The following AKR1C4 variants were observed in gnomAD, a reference collection of about 807,000 sequenced individuals.
AKR1C4 encodes aldo-keto reductase family 1 member C4, also known as 3-alpha-HSD1.
In AKR1C4, 44 loss-of-function variants were observed where a neutral mutation model predicts 41.0. That is an observed-to-expected ratio of 1.07 (90% CI 0.84 to 1.38). The LOEUF (loss-of-function observed/expected upper bound fraction) is 1.38. AKR1C4 is among the 40% of genes most tolerant of loss of function. The probability of loss-of-function intolerance (pLI) is 0.00; values close to 1 mark genes in which losing one functional copy is unlikely to be tolerated. For synonymous variants in AKR1C4, 165 were observed against 137.7 expected (o/e 1.20, Z -1.39); for missense variants, 438 against 387.9 (o/e 1.13, Z -1.09).
Position 5,218,877 on chromosome 10 carries a change from C to A in AKR1C4, c.*117C>A. ...CTCTGGTTAAATCCCTCCCCTCCTG[C>A]TTGGCAACTTCAGCTAGCTAGATAT... On this transcript the variant is annotated 3_prime_UTR_variant, in exon 9 of 9. Coordinates refer to ENST00000263126, the MANE Select transcript of AKR1C4 (RefSeq NM_001818.5). 1.1e-6 allele frequency: 1 copy of A among 882,284 alleles called. No individual in the cohort carries two copies. The highest frequency in any genetic ancestry group is 1.8e-6 in the Non-Finnish European group (1 of 565,024). 54.7% of individuals were successfully genotyped at this position (882,284 alleles called of 1,614,324 possible).
At chr10:5,206,753 A>G (rs1832494478) in intron 5 of AKR1C4, among the ~76,000 whole-genome samples, 2 of 123,310 alleles carry the variant, frequency 1.6e-5, no homozygotes, top group Non-Finnish European at 3.4e-5. Flanking sequence ...AGTAGAATGT[A>G]TATAATTATA....
rs1441545226 is a variant in AKR1C4 at position 5,211,755 on chromosome 10, A to G, written c.571-861A>G. Among the ~76,000 whole-genome samples, 3 of 152,150 alleles carry G rather than the reference A, an allele frequency of 2.0e-5. No homozygotes were observed. The East Asian group carries it at 5.8e-4, about 29-fold the overall frequency. The stretch of plus-strand genomic sequence containing the variant: ...CACTCTACCATATTAGTCCATTTTC[A>G]TGCTGCTGATAAAGACATACTCAAG... On this transcript the variant is annotated intron_variant, in intron 5 of 8. Transcript: ENST00000263126.
At chr10:5,206,182 C>A (rs1339326840) in intron 4 of AKR1C4, 93 bp from the exon 5 acceptor site, 21 of 1,579,448 alleles carry the variant, frequency 1.3e-5, no homozygotes, top group Non-Finnish European at 1.6e-5. Context: ...ATTGTCATAT[C>A]TTAACAGTTG....
In AKR1C4 at chr10:5,200,373, A is replaced by G. The variant is rs200258938; in HGVS notation, c.252+25A>G. On this transcript the variant is annotated intron_variant, in intron 2 of 8. Transcript: ENST00000263126. ...GGTACTGTGCCTATGATGAGCATGT[A>G]TGCACATGTGTTTAATGGGATTGTG... 326 of 1,599,178 alleles carry G rather than the reference A, an allele frequency of 2.0e-4. No homozygotes were observed. The Middle Eastern group carries it at 4.0e-3, about 20-fold the overall frequency.
intron 2 of AKR1C4, among the ~76,000 whole-genome samples, chr10:5,200,981 TACC>T (rs1247238009): frequency 6.6e-6 from 1 of 152,182 alleles, no homozygotes; most frequent in Non-Finnish European, 1.5e-5. Flanking sequence ...TATATATATA[TACC>T]ACATTTTCAT....
intron 1 of AKR1C4, among the ~76,000 whole-genome samples, chr10:5,198,415 T>C (rs1044651418): frequency 3.3e-5 from 5 of 152,176 alleles, no homozygotes; most frequent in African/African-American, 1.2e-4. Context: ...TATAATTAAC[T>C]GGTTGTACAA....
At chr10:5,204,608 C>T (rs1554797267) in intron 3 of AKR1C4, 115 bp downstream of exon 3, 1 of 864,068 alleles carries the variant, frequency 1.2e-6, no homozygotes, top group Non-Finnish European at 2.0e-6. Flanking sequence ...GCAGAAGAGT[C>T]CTAAGTATAA....
At position 5,200,517 on chromosome 10, in the gene AKR1C4, C is replaced by G. The variant is rs144953454; in HGVS notation, c.252+169C>G. 7.4e-3 allele frequency among the ~76,000 whole-genome samples: 1,132 copies of G among 152,268 alleles called. 18 individuals carry two copies. The highest frequency in any genetic ancestry group is 0.026 in the African/African-American group (1,073 of 41,558). The stretch of plus-strand genomic sequence containing the variant: ...AAATAAAAGGCAGAGAATGATGATG[C>G]CTTTCTCATCATTGTTGTGTTCAAA... On this transcript the variant is annotated intron_variant, in intron 2 of 8. Coordinates refer to ENST00000263126, the MANE Select transcript of AKR1C4 (RefSeq NM_001818.5).
Position 5,200,261 on chromosome 10 carries a change from C to T in AKR1C4, c.165C>T (p.Tyr55=), listed in dbSNP as rs1325418057. Residue 55 remains tyrosine (Y), a synonymous_variant, in exon 2 of 9, where the codon TAC becomes TAT. Coordinates refer to ENST00000263126, the MANE Select transcript of AKR1C4 (RefSeq NM_001818.5). ...GFRHIDSAYL[Y]NNEEQVGLAI... is the part of the protein sequence containing the mutation. ...GCCATATTGATTCTGCTTATTTATA[C>T]AATAATGAGGAGCAGGTTGGACTGG... 6.2e-7 allele frequency: 1 copy of T among 1,614,178 alleles called. No individual in the cohort carries two copies. The highest frequency in any genetic ancestry group is 8.5e-7 in the Non-Finnish European group (1 of 1,179,992).
chr10:5,206,298 A>G lies in AKR1C4; in HGVS notation c.471A>G (p.Ala157=). The change falls in exon 5 of 9, where the codon GCA becomes GCG. Residue 157 remains alanine, a synonymous_variant. Transcript: ENST00000263126. Reference sequence around the variant, plus strand: ...AGGTCATGGAGAAGTGTAAGGATGCAGGATTGGCCAAGTCCATCGGGGTGT... The same window carrying G: ...AGGTCATGGAGAAGTGTAAGGATGCGGGATTGGCCAAGTCCATCGGGGTGT... ...TWEVMEKCKD[A]GLAKSIGVSN... 6.2e-7 allele frequency: 1 copy of G among 1,614,124 alleles called. No individual in the cohort carries two copies. Among genetic ancestry groups the G allele is most frequent in the South Asian group, 1.1e-5 (1 of 91,080 alleles).
chr10:5,203,374 G>A (rs1260780890), intron 2 of AKR1C4, among the ~76,000 whole-genome samples: 1 of 152,160 alleles, frequency 6.6e-6, no homozygotes, highest in Non-Finnish European at 1.5e-5. Flanking sequence ...AATAAGAAAT[G>A]GCTTCCCTCA....
chr10:5,201,547 T>A (rs1244840012), intron 2 of AKR1C4, among the ~76,000 whole-genome samples: 1 of 152,216 alleles, frequency 6.6e-6, no homozygotes, highest in Non-Finnish European at 1.5e-5. Context: ...TTCCATTCTG[T>A]AGGTTGTCTG....
chr10:5,202,940 TGTGTGTGTGTGTGTGTGTG>T (rs1472175317), intron 2 of AKR1C4, among the ~76,000 whole-genome samples: 36 of 37,836 alleles, frequency 9.5e-4, no homozygotes, highest in African/African-American at 2.0e-3. Context: ...AGTTTTCTTT[TGTGTGTGTGTGTGTGTGTG>T]TGTGTGTGTG....
chr10:5,214,605 T>C (rs2132139732), intron 7 of AKR1C4, among the ~76,000 whole-genome samples: 1 of 152,344 alleles, frequency 6.6e-6, no homozygotes, highest in Admixed American at 6.5e-5. Flanking sequence ...TTACATAGCA[T>C]TCTTTATTAA....
At position 5,212,759 on chromosome 10, in the gene AKR1C4, C is replaced by A. The variant is rs192525296; in HGVS notation, c.680+34C>A. The A allele has an allele frequency of 9.3e-5, 148 of 1,594,722 alleles. No homozygotes were observed. In the East Asian group the frequency reaches 2.6e-3, roughly 28 times the overall value. On this transcript the variant is annotated intron_variant, in intron 6 of 8. Transcript: ENST00000263126. ...AGCATCAGGAAGTTTACCTAAAATG[C>A]CATTTTGATGAAAAATTTTAGTTAT...
intron 5 of AKR1C4, 46 bp from the exon 6 acceptor site, chr10:5,212,570 A>C (rs1564404008): frequency 6.7e-7 from 1 of 1,496,730 alleles, no homozygotes; most frequent in East Asian, 2.3e-5. Context: ...ATATTAACAT[A>C]TCTGTTTTGA....
At chr10:5,212,554 A>T in intron 5 of AKR1C4, 62 bp from the exon 6 acceptor site, 1 of 1,395,474 alleles carries the variant, frequency 7.2e-7, no homozygotes, top group East Asian at 2.4e-5. Context: ...GCTTATTTTA[A>T]TCTTTATATT....
intron 4 of AKR1C4, 71 bp from the exon 5 acceptor site, chr10:5,206,204 G>A (rs1410244889): frequency 3.7e-6 from 6 of 1,605,908 alleles, no homozygotes; most frequent in East Asian, 4.5e-5. Flanking sequence ...TGCTTTAACA[G>A]TTCTGTCTTG....
At position 5,200,289 on chromosome 10, in the gene AKR1C4, A is replaced by G. The variant is rs143748497; in HGVS notation, c.193A>G (p.Ile65Val). 110 of 1,614,220 alleles carry G rather than the reference A, an allele frequency of 6.8e-5. No individual in the cohort carries two copies. In the African/African-American group the frequency reaches 1.1e-3, roughly 17 times the overall value. ...TAATGAGGAGCAGGTTGGACTGGCC[A>G]TCCGAAGCAAGATTGCAGATGGCAG... is the stretch of plus-strand genomic sequence containing the variant. ...YNNEEQVGLA[I>V]RSKIADGSVK... The change falls in exon 2 of 9, where the codon ATC (isoleucine) becomes GTC (valine). Residue 65 changes from isoleucine to valine, a missense_variant. Physicochemically the swap from Ile to Val is conservative, Grantham distance 29 (BLOSUM62 3). Coordinates refer to ENST00000263126, the MANE Select transcript of AKR1C4 (RefSeq NM_001818.5).
Sources: allele counts gnomAD v4.1 joint callset (sites outside exome capture counted in the v4.1 genomes callset), GRCh38; gene constraint gnomAD v4.1.1; transcripts MANE v1.5; gene names NCBI Gene and HGNC (gene_info 2026-07-23, HGNC 2026-07-21).